BACH2: variants seen among roughly 807,000 people sequenced by gnomAD.
BACH2 encodes the protein transcription regulator protein BACH2.
In BACH2, 5 loss-of-function variants were observed where a neutral mutation model predicts 61.8. The ratio of observed to expected loss-of-function variants is 0.08; its 90% confidence interval spans 0.04 to 0.17. BACH2 has a LOEUF of 0.17. Ranked by LOEUF, BACH2 falls within the 10% of genes least tolerant of loss-of-function variation. The pLI is 1.00. For missense variants in BACH2, 824 were observed against 1,091.1 expected, an observed-to-expected ratio of 0.76 and a Z score of 3.45; for synonymous variants, 446 against 440.1, an observed-to-expected ratio of 1.01 and a Z score of -0.17.
intron 4 of BACH2, among the ~76,000 whole-genome samples, chr6:90,193,206 A>G (rs894514729): frequency 6.6e-6 from 1 of 152,230 alleles, no homozygotes; most frequent in African/African-American, 2.4e-5. Context: ...CAAAATTCAC[A>G]TGGTGAAGTC....
intron 6 of BACH2, among the ~76,000 whole-genome samples, chr6:89,971,634 G>A (rs1454172199): frequency 6.6e-6 from 1 of 152,166 alleles, no homozygotes; most frequent in African/African-American, 2.4e-5. Context: ...AGAAAAAGAG[G>A]TTTAATGGAC....
At chr6:90,156,609 C>A (rs920888873) in intron 4 of BACH2, among the ~76,000 whole-genome samples, 4 of 152,140 alleles carry the variant, frequency 2.6e-5, no homozygotes, top group Non-Finnish European at 5.9e-5. Flanking sequence ...AAAGTTTCTA[C>A]TACCAAACAA....
intron 4 of BACH2, among the ~76,000 whole-genome samples, chr6:90,151,168 A>G (rs766346701): frequency 3.9e-5 from 6 of 152,202 alleles, no homozygotes; most frequent in Non-Finnish European, 8.8e-5. Context: ...AACCCACACC[A>G]TGGCTACAGA....
intron 5 of BACH2, among the ~76,000 whole-genome samples, chr6:90,086,003 T>C (rs554619686): frequency 1.5e-4 from 23 of 152,212 alleles, no homozygotes; most frequent in African/African-American, 4.8e-4. Flanking sequence ...CATCCTCCCA[T>C]CCCCTGGCAA....
chr6:90,109,606 T>C (rs1204633863), intron 4 of BACH2, among the ~76,000 whole-genome samples: 4 of 152,198 alleles, frequency 2.6e-5, no homozygotes, highest in Non-Finnish European at 5.9e-5. Flanking sequence ...AACTTGTATA[T>C]TCAACATGCA....
chr6:90,255,602 A>G (rs1263990309), intron 2 of BACH2, among the ~76,000 whole-genome samples: 1 of 152,216 alleles, frequency 6.6e-6, no homozygotes, highest in African/African-American at 2.4e-5. Context: ...AAAACAGCCA[A>G]CTTTAAGCAA....
chr6:90,110,015 T>A (rs1783099598), intron 4 of BACH2, among the ~76,000 whole-genome samples: 1 of 152,214 alleles, frequency 6.6e-6, no homozygotes, highest in Non-Finnish European at 1.5e-5. Flanking sequence ...ATTAATACAT[T>A]TTACAAAACA....
intron 5 of BACH2, among the ~76,000 whole-genome samples, chr6:90,049,870 T>C (rs1779954436): frequency 6.6e-6 from 1 of 152,220 alleles, no homozygotes; most frequent in South Asian, 2.1e-4. Flanking sequence ...AGCGGCAAGC[T>C]GCACAAGTAA....
At chr6:90,036,434 G>C (rs1779266040) in intron 5 of BACH2, among the ~76,000 whole-genome samples, 1 of 152,058 alleles carries the variant, frequency 6.6e-6, no homozygotes. Context: ...ACATTTGCAA[G>C]GTCCTGTATC....
intron 3 of BACH2, among the ~76,000 whole-genome samples, chr6:90,217,253 G>A (rs1769569707): frequency 6.6e-6 from 1 of 152,184 alleles, no homozygotes; most frequent in Non-Finnish European, 1.5e-5. Flanking sequence ...TCAAAATTCA[G>A]TGGTAGCTAT....
Position 90,008,948 on chromosome 6 carries a change from T to C in BACH2, c.-12-92A>G. 6.9e-7 allele frequency: 1 copy of C among 1,456,494 alleles called. No homozygotes were observed. The highest frequency in any genetic ancestry group is 9.2e-7 in the Non-Finnish European group (1 of 1,086,112). The allele number at this position is 1,456,494 out of a possible 1,614,324, so 90.2% of individuals were successfully genotyped here. On this transcript the variant is annotated intron_variant, in intron 5 of 8. Transcript: ENST00000257749. The surrounding 1 kb of genome is among the most constrained non-coding windows in gnomAD (Gnocchi z 4.1). ...AGAGAGGAGGTGAGAAAGAACATCA[T>C]GGTTCCTGTGTCCCACTGCCATGAG...
intron 4 of BACH2, among the ~76,000 whole-genome samples, chr6:90,149,166 G>T (rs546408357): frequency 2.0e-5 from 3 of 152,160 alleles, no homozygotes; most frequent in African/African-American, 7.2e-5. Context: ...GGTGATGCTG[G>T]GCTTGGGAAC....
chr6:90,294,809 C>G (rs146751247), intron 1 of BACH2, among the ~76,000 whole-genome samples: 1 of 152,162 alleles, frequency 6.6e-6, no homozygotes, highest in Non-Finnish European at 1.5e-5. Context: ...TTCATGTCAG[C>G]CCGAGCCTTT....
chr6:90,039,168 T>C (rs1185974612), intron 5 of BACH2, among the ~76,000 whole-genome samples: 12 of 152,238 alleles, frequency 7.9e-5, no homozygotes, highest in Non-Finnish European at 1.8e-4. Context: ...GTACAATTTA[T>C]ATAACCAATT....
chr6:90,159,989 T>C (rs1338848739), intron 4 of BACH2, among the ~76,000 whole-genome samples: 1 of 152,240 alleles, frequency 6.6e-6, no homozygotes, highest in Non-Finnish European at 1.5e-5. Flanking sequence ...AAAGTATGTA[T>C]GCTCTTGACA....
chr6:90,066,103 T>C (rs1780950769), intron 5 of BACH2, among the ~76,000 whole-genome samples: 1 of 152,150 alleles, frequency 6.6e-6, no homozygotes, highest in South Asian at 2.1e-4. Context: ...GAAGGTCTTA[T>C]TTTCTATTTT....
intron 1 of BACH2, among the ~76,000 whole-genome samples, chr6:90,291,969 G>A (rs143307121): frequency 0.018 from 2,748 of 152,264 alleles, 45 homozygotes; most frequent in Middle Eastern, 0.088. Flanking sequence ...ACAGGGAAAG[G>A]AGAAAAACAG....
At chr6:90,103,025 A>ATTTT (rs1440363076) in intron 4 of BACH2, among the ~76,000 whole-genome samples, 1 of 27,506 alleles carries the variant, frequency 3.6e-5, no homozygotes, top group African/African-American at 1.7e-4. Context: ...ATATATATAT[A>ATTTT]TATATTTTTT....
At chr6:89,947,554 A>G (rs1773801089) in intron 7 of BACH2, among the ~76,000 whole-genome samples, 1 of 152,028 alleles carries the variant, frequency 6.6e-6, no homozygotes. Context: ...GGAATGCAGA[A>G]GATGGATTTT....
Sources: allele counts gnomAD v4.1 joint callset (sites outside exome capture counted in the v4.1 genomes callset), GRCh38; gene constraint gnomAD v4.1.1; non-coding constraint Gnocchi (gnomAD v3.1); transcripts MANE v1.5; gene names NCBI Gene and HGNC (gene_info 2026-07-23, HGNC 2026-07-21).